EBF2: variants seen among roughly 807,000 people sequenced by gnomAD.
The protein encoded by EBF2 is EBF transcription factor 2.
Under a neutral mutation model 72.8 loss-of-function variants are expected in EBF2, and 21 were observed. That is an observed-to-expected ratio of 0.29 (90% CI 0.20 to 0.42). The LOEUF is 0.42. Among genes scored for constraint, EBF2 ranks in the 10% least tolerant of loss-of-function variants. EBF2 has a pLI of 1.00. For synonymous variants in EBF2, 299 were observed against 274.2 expected (o/e 1.09, Z -0.89); for missense variants, 637 against 731.2 (o/e 0.87, Z 1.49).
intron 6 of EBF2, among the ~76,000 whole-genome samples, chr8:26,012,761 G>A (rs17818083): frequency 0.12 from 17,747 of 152,206 alleles, 1,322 homozygotes; most frequent in Middle Eastern, 0.24. Context: ...AGAAAATGCT[G>A]TCCCTGTCTC....
chr8:26,042,353 C>T, intron 1 of EBF2, 102 bp from the exon 2 acceptor site: 1 of 1,405,930 alleles, frequency 7.1e-7, no homozygotes, highest in Non-Finnish European at 9.6e-7. Flanking sequence ...GGGTCCACTT[C>T]CCAGGTCCAG....
intron 6 of EBF2, among the ~76,000 whole-genome samples, chr8:26,005,561 T>TATATAGAGAGAG (rs375386709): frequency 0.026 from 1,668 of 63,758 alleles, 45 homozygotes; most frequent in East Asian, 0.05. Flanking sequence ...TATATATATA[T>TATATAGAGAGAG]AGAGAGAGAG....
chr8:25,933,920 C>T (rs1200699036), intron 6 of EBF2, among the ~76,000 whole-genome samples: 1 of 152,030 alleles, frequency 6.6e-6, no homozygotes, highest in Non-Finnish European at 1.5e-5. Context: ...TTTATTTGTC[C>T]ATATTTTCTA....
chr8:25,983,994 A>G (rs968574852), intron 6 of EBF2, among the ~76,000 whole-genome samples: 3 of 152,222 alleles, frequency 2.0e-5, no homozygotes, highest in Non-Finnish European at 4.4e-5. Flanking sequence ...TTCCCTCAAC[A>G]TTGGCCACCC....
At chr8:25,858,602 G>T in intron 13 of EBF2, 98 bp from the exon 14 acceptor site, 1 of 1,066,334 alleles carries the variant, frequency 9.4e-7, no homozygotes, top group Non-Finnish European at 1.3e-6. Flanking sequence ...ACTGCAGAAT[G>T]TCACCAGCTG....
chr8:25,850,555 T>TGGTACATTGTGTATCCCCAA (rs749719688), intron 15 of EBF2, 39 bp downstream of exon 15: 1 of 1,497,174 alleles, frequency 6.7e-7, no homozygotes, highest in Admixed American at 2.6e-5. Flanking sequence ...GCCAACCCTA[T>TGGTACATTGTGTATCCCCAA]GGTACATTGT....
intron 6 of EBF2, among the ~76,000 whole-genome samples, chr8:25,981,401 G>A (rs1334413104): frequency 1.3e-5 from 2 of 151,724 alleles, no homozygotes; most frequent in Non-Finnish European, 2.9e-5. Context: ...ATTTCATTTT[G>A]GAACTGGAGT....
intron 6 of EBF2, among the ~76,000 whole-genome samples, chr8:25,972,945 C>T (rs1804213493): frequency 6.9e-6 from 1 of 145,976 alleles, no homozygotes. Context: ...AAAATAAGTC[C>T]CTCTCTCCCC....
intron 6 of EBF2, among the ~76,000 whole-genome samples, chr8:25,999,270 TCTC>T (rs1235337147): frequency 2.6e-5 from 4 of 152,160 alleles, no homozygotes; most frequent in South Asian, 4.1e-4. Flanking sequence ...TCTATTTTCT[TCTC>T]CTCAAGACAC....
intron 14 of EBF2, among the ~76,000 whole-genome samples, chr8:25,851,460 C>T (rs945119884): frequency 6.6e-6 from 1 of 152,192 alleles, no homozygotes; most frequent in Admixed American, 6.5e-5. Context: ...AAAAGCCAAG[C>T]ATTATAATTT....
At chr8:25,853,839 GAA>G (rs33990807) in intron 14 of EBF2, among the ~76,000 whole-genome samples, 17,375 of 150,712 alleles carry the variant, frequency 0.12, 1,079 homozygotes, top group Middle Eastern at 0.17. Flanking sequence ...CTCTTCAGAT[GAA>G]AAAAAAACAG....
At chr8:26,008,688 C>T (rs866442742) in intron 6 of EBF2, among the ~76,000 whole-genome samples, 6 of 152,014 alleles carry the variant, frequency 3.9e-5, no homozygotes, top group African/African-American at 9.6e-5. Context: ...AAATTAGCAG[C>T]GTTTTATCAT....
In EBF2 at chr8:25,855,505, G is replaced by A. The variant is rs978235808; in HGVS notation, c.1528+2814C>T. Reference sequence around the variant, plus strand: ...TGTCATGCAAGTCAAACTTGACTAAGAAGCTTGGCTCTTTCTTACTTAGTG... The same window carrying A: ...TGTCATGCAAGTCAAACTTGACTAAAAAGCTTGGCTCTTTCTTACTTAGTG... On this transcript the variant is annotated intron_variant, in intron 14 of 15. Coordinates refer to ENST00000520164, the MANE Select transcript of EBF2 (RefSeq NM_022659.4). Among the ~76,000 whole-genome samples, 3 of 152,310 alleles carry A rather than the reference G, an allele frequency of 2.0e-5. No individual in the cohort carries two copies. In the East Asian group the frequency reaches 5.8e-4, roughly 29 times the overall value.
chr8:26,030,780 A>T (rs1805388820), intron 6 of EBF2, among the ~76,000 whole-genome samples: 1 of 152,230 alleles, frequency 6.6e-6, no homozygotes, highest in East Asian at 1.9e-4. Flanking sequence ...GATAGTAAAA[A>T]TAAATGCCAC....
intron 10 of EBF2, among the ~76,000 whole-genome samples, chr8:25,867,402 C>T (rs542749990): frequency 1.3e-5 from 2 of 152,310 alleles, no homozygotes; most frequent in Non-Finnish European, 2.9e-5. Flanking sequence ...GGAACTTTTC[C>T]ATTCTTAACC....
At chr8:25,930,342 T>C (rs1803459384) in intron 6 of EBF2, among the ~76,000 whole-genome samples, 1 of 152,220 alleles carries the variant, frequency 6.6e-6, no homozygotes. Context: ...CGTTACTTCA[T>C]AGCTGTGTGA....
At chr8:26,041,936 G>A (rs1230473715) in intron 2 of EBF2, among the ~76,000 whole-genome samples, 159 bp downstream of exon 2, 2 of 152,126 alleles carry the variant, frequency 1.3e-5, no homozygotes, top group East Asian at 1.9e-4. Flanking sequence ...GAGGAGGTTC[G>A]GGAAATCGAC....
At chr8:25,900,085 T>G (rs1802926194) in intron 7 of EBF2, among the ~76,000 whole-genome samples, 1 of 152,178 alleles carries the variant, frequency 6.6e-6, no homozygotes, top group African/African-American at 2.4e-5. Flanking sequence ...ATCCTGGGCT[T>G]GCATGCAACC....
At chr8:26,029,847 CAAA>C (rs1410069255) in intron 6 of EBF2, among the ~76,000 whole-genome samples, 3 of 152,196 alleles carry the variant, frequency 2.0e-5, no homozygotes, top group Admixed American at 6.5e-5. Context: ...AAGGCTGATC[CAAA>C]CCCCTGGATA....
Sources: gnomAD v4.1 joint callset for allele counts (sites outside exome capture counted in the v4.1 genomes callset) on GRCh38, gnomAD v4.1.1 for gene constraint, MANE v1.5 for transcripts, NCBI Gene and HGNC (gene_info 2026-07-23, HGNC 2026-07-21) for gene names.